Variants in TSNARE1 observed in about 807,000 individuals in gnomAD.
The protein encoded by TSNARE1 is t-SNARE domain containing 1.
Under a neutral mutation model 62.0 loss-of-function variants are expected in TSNARE1, and 49 were observed. The ratio of observed to expected loss-of-function variants is 0.79; its 90% CI spans 0.63 to 1.00. The LOEUF (loss-of-function observed/expected upper bound fraction) is 1.00. Among genes scored for constraint, TSNARE1 ranks in the 50% least tolerant of loss-of-function variants. The pLI is 0.00. For missense variants in TSNARE1, 755 were observed against 700.1 expected, an observed-to-expected ratio of 1.08 and a Z score of -0.88; for synonymous variants, 328 against 294.4, an observed-to-expected ratio of 1.11 and a Z score of -1.17.
At chr8:142,320,453 C>A (rs1829319672) in intron 6 of TSNARE1, among the ~76,000 whole-genome samples, 1 of 151,166 alleles carries the variant, frequency 6.6e-6, no homozygotes, top group African/African-American at 2.4e-5. Flanking sequence ...ACACTGCCCT[C>A]CTGCACCTCC....
chr8:142,278,186 G>A (rs1820806426), intron 11 of TSNARE1: 1 of 985,404 alleles, frequency 1.0e-6, no homozygotes, highest in Non-Finnish European at 1.2e-6. Context: ...CACAGCCCAG[G>A]CCCCTTGTCC....
chr8:142,278,608 G>A (rs866986154), intron 11 of TSNARE1: 30 of 985,330 alleles, frequency 3.0e-5, no homozygotes, highest in Middle Eastern at 5.2e-4. Context: ...GAGGAAGCAC[G>A]GAGCCAGCAT....
chr8:142,222,787 C>G (rs1225086596), intron 13 of TSNARE1, among the ~76,000 whole-genome samples: 10 of 113,516 alleles, frequency 8.8e-5, no homozygotes, highest in African/African-American at 2.2e-4. Flanking sequence ...CACTCACTCA[C>G]TCACTCATCC....
chr8:142,223,111 C>CACT (rs1482116733), intron 13 of TSNARE1, among the ~76,000 whole-genome samples: 1 of 35,600 alleles, frequency 2.8e-5, no homozygotes, highest in Non-Finnish European at 7.0e-5. Flanking sequence ...TTCACTCACT[C>CACT]GTTCACTCAT....
intron 12 of TSNARE1, among the ~76,000 whole-genome samples, chr8:142,256,331 T>TCACCATCACCACCACCACCAC (rs1818557756): frequency 2.6e-4 from 1 of 3,790 alleles, no homozygotes; most frequent in Non-Finnish European, 6.0e-4. Context: ...ATCACCATCT[T>TCACCATCACCACCACCACCAC]TGCCACCATC....
intron 13 of TSNARE1, among the ~76,000 whole-genome samples, chr8:142,221,558 C>T (rs1480155236): frequency 4.6e-5 from 7 of 152,246 alleles, no homozygotes; most frequent in Non-Finnish European, 1.0e-4. Flanking sequence ...TGAGGCCCAG[C>T]CTTGTGGCTC....
intron 1 of TSNARE1, among the ~76,000 whole-genome samples, chr8:142,367,527 G>A (rs955598765): frequency 6.6e-6 from 1 of 152,044 alleles, no homozygotes; most frequent in Non-Finnish European, 1.5e-5. Context: ...GGGCGGGGGA[G>A]GGGGAGGGGG....
chr8:142,222,140 A>G, intron 13 of TSNARE1, among the ~76,000 whole-genome samples: 1 of 149,346 alleles, frequency 6.7e-6, no homozygotes, highest in African/African-American at 2.5e-5. Context: ...TCATCCACTC[A>G]TTCACTCACT....
intron 10 of TSNARE1, among the ~76,000 whole-genome samples, chr8:142,285,210 GGACA>G (rs1822483632): frequency 6.6e-6 from 1 of 150,408 alleles, no homozygotes; most frequent in Admixed American, 6.6e-5. Flanking sequence ...GCGAGTGGAT[GGACA>G]GATGAATGGG....
intron 11 of TSNARE1, among the ~76,000 whole-genome samples, chr8:142,279,378 A>C (rs1466024497): frequency 1.3e-5 from 2 of 152,156 alleles, no homozygotes; most frequent in African/African-American, 4.8e-5. Context: ...GCACCAGGGC[A>C]CCCTGGGCTG....
intron 12 of TSNARE1, among the ~76,000 whole-genome samples, chr8:142,258,747 C>T (rs1360095433): frequency 2.0e-5 from 3 of 152,122 alleles, no homozygotes; most frequent in African/African-American, 7.2e-5. Flanking sequence ...GTCTCAAACT[C>T]CTGACCTCAA....
chr8:142,389,756 A>G (rs1837354920), intron 1 of TSNARE1, among the ~76,000 whole-genome samples: 1 of 152,232 alleles, frequency 6.6e-6, no homozygotes, highest in African/African-American at 2.4e-5. Flanking sequence ...ATGACTTGTG[A>G]AAGAAAAAGC....
chr8:142,263,077 A>G (rs938113762), intron 12 of TSNARE1, among the ~76,000 whole-genome samples: 1 of 152,164 alleles, frequency 6.6e-6, no homozygotes, highest in Non-Finnish European at 1.5e-5. Flanking sequence ...AACTGAGCCC[A>G]GCTAGCACCC....
At chr8:142,219,453 G>A (rs3935704) in intron 13 of TSNARE1, among the ~76,000 whole-genome samples, 48,813 of 152,070 alleles carry the variant, frequency 0.32, 8,639 homozygotes, top group Non-Finnish European at 0.4. Context: ...AGAGGCTGTC[G>A]CCCTTTACAG....
At chr8:142,353,421 T>G (rs1172328514) in intron 2 of TSNARE1, among the ~76,000 whole-genome samples, 1 of 152,024 alleles carries the variant, frequency 6.6e-6, no homozygotes, top group Non-Finnish European at 1.5e-5. Flanking sequence ...AGCCCGGCAC[T>G]CCCAGTGGGC....
At chr8:142,278,704 CG>C (rs1820908124) in intron 11 of TSNARE1, 1 of 985,320 alleles carries the variant, frequency 1.0e-6, no homozygotes, top group Admixed American at 6.2e-5. Context: ...GCCTGGCTTC[CG>C]GTGGTCCCTG....
chr8:142,331,474 G>A (rs546110421), intron 5 of TSNARE1, among the ~76,000 whole-genome samples: 74 of 152,342 alleles, frequency 4.9e-4, no homozygotes, highest in African/African-American at 1.7e-3. Flanking sequence ...CGGGCAGGGG[G>A]CAGCAGGCAG....
chr8:142,218,433 G>T (rs2129879089), intron 13 of TSNARE1, among the ~76,000 whole-genome samples: 1 of 152,296 alleles, frequency 6.6e-6, no homozygotes, highest in Non-Finnish European at 1.5e-5. Context: ...GGCCTTCTTG[G>T]AGCACAGACC....
chr8:142,311,199 T>C lies in TSNARE1; in HGVS notation c.1131+3185A>G, dbSNP rs1401290219. On this transcript the variant is annotated intron_variant, in intron 9 of 13. Coordinates refer to ENST00000524325, the MANE Select transcript of TSNARE1 (RefSeq NM_145003.5). ...AATTATTTGAGACGGAGTTTCGCTC[T>C]TGTTGCCCAGACTGGAGTGCAATGG... 2.0e-5 allele frequency among the ~76,000 whole-genome samples: 3 copies of C among 151,384 alleles called. No individual in the cohort carries two copies. In the East Asian group the frequency reaches 5.8e-4, roughly 29 times the overall value.
Sources: allele counts gnomAD v4.1 joint callset (sites outside exome capture counted in the v4.1 genomes callset), GRCh38; gene constraint gnomAD v4.1.1; transcripts MANE v1.5; gene names NCBI Gene and HGNC (gene_info 2026-07-23, HGNC 2026-07-21).